TJP2: variants seen among roughly 807,000 people sequenced by gnomAD.
TJP2 encodes the protein Friedreich ataxia region gene X104 (tight junction protein ZO-2).
Under a neutral mutation model 133.1 loss-of-function variants are expected in TJP2, and 91 were observed. That is an observed-to-expected ratio of 0.68 (90% confidence interval 0.58 to 0.81). The LOEUF is 0.81. Among genes scored for constraint, TJP2 ranks in the 40% least tolerant of loss-of-function variants. TJP2 has a pLI of 0.00. For missense variants in TJP2, 1,541 were observed against 1,565.6 expected (o/e 0.98, Z 0.26); for synonymous variants, 592 against 583.4 (o/e 1.01, Z -0.21).
At chr9:69,129,018 C>A (rs1178407703) in intron 1 of TJP2, among the ~76,000 whole-genome samples, 1 of 152,118 alleles carries the variant, frequency 6.6e-6, no homozygotes. Context: ...TAGTGTAATA[C>A]CTGATGTTCC....
intron 1 of TJP2, among the ~76,000 whole-genome samples, chr9:69,208,822 T>G (rs1472615731): frequency 6.6e-6 from 1 of 150,842 alleles, no homozygotes; most frequent in Admixed American, 6.6e-5. Flanking sequence ...GTCATGTAAT[T>G]TTTTTTCCCC....
intron 15 of TJP2, among the ~76,000 whole-genome samples, 157 bp downstream of exon 15, chr9:69,238,130 A>G (rs534109270): frequency 6.6e-5 from 10 of 152,314 alleles, no homozygotes; most frequent in African/African-American, 1.9e-4. Flanking sequence ...TGCCTGCACC[A>G]TAGACACACA....
rs11355311 is a variant in TJP2, at chr9:69,130,015, C to CAAA, written c.-131+8305_-131+8307dup. ...GGGGGACAAGAGCGAAACTCTGCCT[C>CAAA]AAAAAAAAAAAAAAAAAGAAAAAGA... On this transcript the variant is annotated intron_variant, in intron 1 of 5. Transcript: ENST00000423935. 2.6e-3 allele frequency among the ~76,000 whole-genome samples: 245 copies of CAAA among 94,170 alleles called. 2 individuals are homozygous for CAAA. The highest frequency in any genetic ancestry group is 0.02 in the East Asian group (74 of 3,630). The allele number at this position is 94,170 out of a possible 152,430, so 61.8% of individuals were successfully genotyped here.
intron 1 of TJP2, among the ~76,000 whole-genome samples, chr9:69,131,131 A>G (rs1171511643): frequency 6.6e-6 from 1 of 152,200 alleles, no homozygotes; most frequent in Non-Finnish European, 1.5e-5. Context: ...GTCACTGATA[A>G]TTAACGTAAA....
chr9:69,149,413 GTTGC>G (rs1823364033), intron 1 of TJP2, among the ~76,000 whole-genome samples: 1 of 152,126 alleles, frequency 6.6e-6, no homozygotes, highest in Non-Finnish European at 1.5e-5. Flanking sequence ...CTTTAATCCC[GTTGC>G]TTGCTTTGTA....
intron 4 of TJP2, 22 bp downstream of exon 4, chr9:69,218,381 A>G (rs976811616): frequency 2.5e-6 from 4 of 1,601,774 alleles, no homozygotes; most frequent in Admixed American, 1.7e-5. Context: ...GTTTGCTTTC[A>G]GCTTGCCTTA....
In TJP2 at chr9:69,174,379, G is replaced by C. The variant is rs758381001; in HGVS notation, c.7G>C (p.Val3Leu). The C allele has an allele frequency of 2.6e-6, 4 of 1,551,856 alleles. No homozygotes were observed. In the South Asian group the frequency reaches 3.6e-5, roughly 14 times the overall value. MP[V>L]RGDRGFPPRR... Reference sequence around the variant, plus strand: ...CGCGGGACCTGTGTCCGAAATGCCGGTGCGAGGAGACCGCGGGTTTCCACC... The same window carrying C: ...CGCGGGACCTGTGTCCGAAATGCCGCTGCGAGGAGACCGCGGGTTTCCACC... The change falls in exon 1 of 23, where the codon GTG becomes CTG. Residue 3 changes from valine (V) to leucine (L), a missense_variant. Coordinates refer to ENST00000377245, the MANE Select transcript of TJP2 (RefSeq NM_004817.4).
intron 2 of TJP2, among the ~76,000 whole-genome samples, chr9:69,212,866 G>C (rs1040373333): frequency 1.2e-5 from 1 of 85,022 alleles, no homozygotes; most frequent in Non-Finnish European, 2.9e-5. Flanking sequence ...GGTTATGAAA[G>C]AGAGAAAAGA....
In TJP2 at chr9:69,125,015, C is replaced by T. The variant is rs1429667115; in HGVS notation, c.-131+3290C>T. Among the ~76,000 whole-genome samples the T allele has an allele frequency of 7.8e-5, 6 of 76,474 alleles. 3 individuals are homozygous for T. Among genetic ancestry groups the T allele is most frequent in the Non-Finnish European group, 1.2e-4 (4 of 33,416 alleles). The allele number at this position is 76,474 out of a possible 152,430, so 50.2% of individuals were successfully genotyped here. A position where few individuals can be genotyped will look rare whatever the true frequency, so the allele number is the denominator to read the frequency against. On this transcript the variant is annotated intron_variant, in intron 1 of 5. Coordinates refer to the TJP2 transcript ENST00000423935. ...TCACCCAGGCTGGAGTGCAACGGCG[C>T]GATCTTGGCTTACTGCAACCTCTGC... is the stretch of plus-strand genomic sequence containing the variant.
At chr9:69,130,838 G>A (rs552033476) in intron 1 of TJP2, among the ~76,000 whole-genome samples, 1 of 152,262 alleles carries the variant, frequency 6.6e-6, no homozygotes, top group East Asian at 1.9e-4. Context: ...CTGGGTGAGT[G>A]AAGACCCACA....
chr9:69,177,498 C>T (rs1385875383), intron 1 of TJP2, among the ~76,000 whole-genome samples: 1 of 151,840 alleles, frequency 6.6e-6, no homozygotes, highest in East Asian at 1.9e-4. Context: ...AGTAGATGCC[C>T]ATATAGAAAG....
intron 1 of TJP2, among the ~76,000 whole-genome samples, chr9:69,196,536 C>T (rs1269166974): frequency 2.6e-5 from 4 of 152,074 alleles, no homozygotes; most frequent in Non-Finnish European, 5.9e-5. Context: ...GTAACTCGCC[C>T]AAGGTAAAGG....
intron 17 of TJP2, chr9:69,246,235 A>G (rs1373036854): frequency 4.5e-6 from 1 of 224,156 alleles, no homozygotes; most frequent in Non-Finnish European, 8.9e-6. Context: ...CCCGGAACCA[A>G]TCCTCTACAG....
intron 1 of TJP2, among the ~76,000 whole-genome samples, chr9:69,182,955 A>C (rs1285626483): frequency 6.6e-6 from 1 of 150,640 alleles, no homozygotes; most frequent in African/African-American, 2.4e-5. Context: ...TGCCCGGCTA[A>C]TTTTGTATTT....
At chr9:69,176,976 C>G (rs776848501) in intron 1 of TJP2, among the ~76,000 whole-genome samples, 1 of 149,442 alleles carries the variant, frequency 6.7e-6, no homozygotes. Context: ...GTGGTGGGGG[C>G]GGGGTGAAGC....
chr9:69,211,466 C>T (rs1334978748), intron 1 of TJP2, among the ~76,000 whole-genome samples: 1 of 152,226 alleles, frequency 6.6e-6, no homozygotes, highest in Non-Finnish European at 1.5e-5. Flanking sequence ...ACCTCTCACT[C>T]ATGGTGATGT....
chr9:69,156,523 A>T (rs963872773), intron 2 of TJP2, among the ~76,000 whole-genome samples: 2 of 81,144 alleles, frequency 2.5e-5, no homozygotes, highest in African/African-American at 5.4e-5. Flanking sequence ...TACATGTAAG[A>T]TTTTTTTTTT....
intron 1 of TJP2, among the ~76,000 whole-genome samples, chr9:69,137,761 TCTC>T (rs1238528112): frequency 6.6e-6 from 1 of 152,084 alleles, no homozygotes; most frequent in Non-Finnish European, 1.5e-5. Flanking sequence ...GGTCCCCAGA[TCTC>T]CTGGTCACAG....
chr9:69,133,234 T>A (rs1356845037), intron 1 of TJP2, among the ~76,000 whole-genome samples: 1 of 152,138 alleles, frequency 6.6e-6, no homozygotes, highest in Non-Finnish European at 1.5e-5. Context: ...AGTGCTGGGA[T>A]TACAGGCATG....
Sources: gnomAD v4.1 joint callset for allele counts (sites outside exome capture counted in the v4.1 genomes callset) on GRCh38, gnomAD v4.1.1 for gene constraint, MANE v1.5 for transcripts, NCBI Gene and HGNC (gene_info 2026-07-23, HGNC 2026-07-21) for gene names.